Variants in IGFBPL1 observed in about 807,000 individuals in gnomAD.
The protein encoded by IGFBPL1 is insulin-like growth factor-binding protein-like 1.
A neutral mutation model predicts 23.9 loss-of-function variants in IGFBPL1; 20 were observed. The ratio of observed to expected loss-of-function variants is 0.84; its 90% CI spans 0.59 to 1.22. IGFBPL1 has a LOEUF of 1.22. Ranked by LOEUF, IGFBPL1 falls within the 50% of genes most tolerant of loss-of-function variation. IGFBPL1 has a pLI of 0.00. For missense variants in IGFBPL1, 436 were observed against 379.3 expected (o/e 1.15, Z -1.24); for synonymous variants, 184 against 171.8 (o/e 1.07, Z -0.56).
At chr9:38,417,320 C>T (rs10973796) in intron 1 of IGFBPL1, among the ~76,000 whole-genome samples, 11,230 of 152,192 alleles carry the variant, frequency 0.074, 1,388 homozygotes, top group African/African-American at 0.26. Context: ...GACCCTTCCA[C>T]GTACACCACC....
chr9:38,415,052 G>A (rs999792996), intron 1 of IGFBPL1, among the ~76,000 whole-genome samples: 3 of 152,184 alleles, frequency 2.0e-5, no homozygotes, highest in South Asian at 4.1e-4. Context: ...GCACCACAGC[G>A]TGTTGGGCAA....
chr9:38,411,684 G>A, intron 3 of IGFBPL1, 135 bp from the exon 4 acceptor site: 1 of 772,704 alleles, frequency 1.3e-6, no homozygotes, highest in Non-Finnish European at 2.0e-6. Context: ...TTCTCTCCTT[G>A]CATTGGCTGC....
intron 3 of IGFBPL1, among the ~76,000 whole-genome samples, chr9:38,412,789 T>C (rs1465348158): frequency 1.3e-5 from 2 of 152,142 alleles, no homozygotes; most frequent in Non-Finnish European, 2.9e-5. Context: ...CTTTCCAACA[T>C]CATCAAAGCC....
At chr9:38,415,224 G>T (rs757505916) in intron 1 of IGFBPL1, among the ~76,000 whole-genome samples, 5 of 152,224 alleles carry the variant, frequency 3.3e-5, no homozygotes, top group African/African-American at 4.8e-5. Context: ...GGAGCAAAAG[G>T]ATGACTGGAT....
intron 1 of IGFBPL1, among the ~76,000 whole-genome samples, 193 bp from the exon 2 acceptor site, chr9:38,414,396 A>G (rs560574650): frequency 2.9e-4 from 44 of 152,304 alleles, no homozygotes; most frequent in Non-Finnish European, 4.7e-4. Flanking sequence ...TCCTGATCCA[A>G]TGATTGTTTT....
rs35229194 is a variant in IGFBPL1, at chr9:38,408,253, C to CAAAAAAAAAAA, written c.*963_*973dup. 1.4e-5 allele frequency among the ~76,000 whole-genome samples: 1 copy of CAAAAAAAAAAA among 70,178 alleles called. No individual in the cohort carries two copies. Among genetic ancestry groups the CAAAAAAAAAAA allele is most frequent in the Non-Finnish European group, 2.8e-5 (1 of 35,766 alleles). 46.0% of individuals were successfully genotyped at this position (70,178 alleles called of 152,430 possible). A position where few individuals can be genotyped will look rare whatever the true frequency, so the allele number is the denominator to read the frequency against. ...GCAACATAGGGAGACCCTGTCTCTA[C>CAAAAAAAAAAA]AAAAAAAAAAAAAAAAAAAAAAAAA... On this transcript the variant is annotated 3_prime_UTR_variant, in exon 5 of 5. Transcript: ENST00000377694.
chr9:38,414,211 G>A lies in IGFBPL1; in HGVS notation c.461-8C>T. 6.4e-7 allele frequency: 1 copy of A among 1,567,280 alleles called. No homozygotes were observed. Among genetic ancestry groups the A allele is most frequent in the Non-Finnish European group, 8.7e-7 (1 of 1,149,618 alleles). On this transcript the variant is annotated splice_polypyrimidine_tract_variant and splice_region_variant and intron_variant, in intron 1 of 4. Coordinates refer to ENST00000377694, the MANE Select transcript of IGFBPL1 (RefSeq NM_001007563.3). ...GAACGACGACCACAGGAGCTAGGAG[G>A]AGGAGACAAGGAGACGCAGCCTTTA...
chr9:38,418,137 C>G (rs1413173825), intron 1 of IGFBPL1, among the ~76,000 whole-genome samples: 2 of 152,184 alleles, frequency 1.3e-5, no homozygotes, highest in Non-Finnish European at 2.9e-5. Flanking sequence ...AGCAATGTGT[C>G]CTTGACACCA....
chr9:38,424,401 C>G lies in IGFBPL1; in HGVS notation c.24G>C (p.Leu8Phe), dbSNP rs2118336076. The G allele has an allele frequency of 1.6e-6, 1 of 630,806 alleles. No homozygotes were observed. The highest frequency in any genetic ancestry group is 1.7e-5 in the South Asian group (1 of 58,972). 39.1% of individuals were successfully genotyped at this position (630,806 alleles called of 1,614,324 possible). Residue 8 changes from leucine (L) to phenylalanine (F), a missense_variant, in exon 1 of 5, where the codon TTG becomes TTC. Transcript: ENST00000377694. MPRLSLLLPLLLLLLLPL... is the reference protein window; with the variant it reads MPRLSLLFPLLLLLLLPL... ...GCAGCAGCAGCAGAAGCAGCAGCGG[C>G]AAGAGCAGAGACAAGCGCGGCATGG...
chr9:38,415,439 C>T (rs978896028), intron 1 of IGFBPL1, among the ~76,000 whole-genome samples: 8 of 152,102 alleles, frequency 5.3e-5, no homozygotes, highest in Middle Eastern at 3.2e-3. Flanking sequence ...CGGACAGCGT[C>T]GCATCACACC....
Position 38,424,409 on chromosome 9 carries a change from G to A in IGFBPL1, c.16C>T (p.Leu6=). 1 of 615,048 alleles carries A rather than the reference G, an allele frequency of 1.6e-6. No homozygotes were observed. Among genetic ancestry groups the A allele is most frequent in the Non-Finnish European group, 2.9e-6 (1 of 348,388 alleles). The allele number at this position is 615,048 out of a possible 1,614,324, so 38.1% of individuals were successfully genotyped here. MPRLS[L]LLPLLLLLLL... Reference sequence around the variant, plus strand: ...AGCAGAAGCAGCAGCGGCAAGAGCAGAGACAAGCGCGGCATGGCTTGCTCC... The same window carrying A: ...AGCAGAAGCAGCAGCGGCAAGAGCAAAGACAAGCGCGGCATGGCTTGCTCC... The change falls in exon 1 of 5, where the codon CTG becomes TTG. Residue 6 remains leucine, a synonymous_variant. Transcript: ENST00000377694.
In IGFBPL1 at chr9:38,408,799, C is replaced by T. The variant is rs1821469725; in HGVS notation, c.*428G>A. Among the ~76,000 whole-genome samples, 1 of 152,174 alleles carries T rather than the reference C, an allele frequency of 6.6e-6. No homozygotes were observed. The highest frequency in any genetic ancestry group is 1.5e-5 in the Non-Finnish European group (1 of 68,030). On this transcript the variant is annotated 3_prime_UTR_variant, in exon 5 of 5. Transcript: ENST00000377694. Reference sequence around the variant, plus strand: ...GAGGGGAAGGGATCTGTTCAGGTCACACAGCAAGTTACAGTCAGGCAGAGG... The same window carrying T: ...GAGGGGAAGGGATCTGTTCAGGTCATACAGCAAGTTACAGTCAGGCAGAGG...
In IGFBPL1 at chr9:38,408,263, A is replaced by T. The variant is rs1821459727; in HGVS notation, c.*964T>A. Among the ~76,000 whole-genome samples the T allele has an allele frequency of 2.9e-5, 3 of 104,452 alleles. No homozygotes were observed. The highest frequency in any genetic ancestry group is 1.1e-4 in the African/African-American group (3 of 27,298). The allele number at this position is 104,452 out of a possible 152,430, so 68.5% of individuals were successfully genotyped here. ...GAGACCCTGTCTCTACAAAAAAAAA[A>T]AAAAAAAAAAAAAAAATAGCTGGGT... On this transcript the variant is annotated 3_prime_UTR_variant, in exon 5 of 5. Transcript: ENST00000377694.
In IGFBPL1 at chr9:38,414,091, T is replaced by C. The variant is rs1240294966; in HGVS notation, c.570+3A>G. On this transcript the variant is annotated splice_donor_region_variant and intron_variant, in intron 2 of 4. Coordinates refer to ENST00000377694, the MANE Select transcript of IGFBPL1 (RefSeq NM_001007563.3). The stretch of plus-strand genomic sequence containing the variant: ...AGATGCATGAGTTCTTGGACAGAAA[T>C]ACCTTTCTCCACGTGATGACTGGGG... The C allele has an allele frequency of 6.4e-7, 1 of 1,557,770 alleles. No homozygotes were observed. The highest frequency in any genetic ancestry group is 8.8e-7 in the Non-Finnish European group (1 of 1,133,782).
At chr9:38,417,009 C>A (rs946631277) in intron 1 of IGFBPL1, among the ~76,000 whole-genome samples, 5 of 152,138 alleles carry the variant, frequency 3.3e-5, no homozygotes, top group African/African-American at 1.2e-4. Context: ...CATATTTTAA[C>A]ATATCTGATT....
At chr9:38,412,686 G>A (rs371351993) in intron 3 of IGFBPL1, among the ~76,000 whole-genome samples, 4 of 152,136 alleles carry the variant, frequency 2.6e-5, no homozygotes, top group East Asian at 1.9e-4. Context: ...TCAAGGTGCC[G>A]GCAGGGCTGC....
At chr9:38,417,168 ACC>A (rs1821610845) in intron 1 of IGFBPL1, among the ~76,000 whole-genome samples, 1 of 151,966 alleles carries the variant, frequency 6.6e-6, no homozygotes, top group Admixed American at 6.6e-5. Context: ...CAGCAATCTC[ACC>A]AGCTGCCAGA....
Position 38,419,863 on chromosome 9 carries a change from C to CCCT in IGFBPL1, c.460+4099_460+4101dup, listed in dbSNP as rs71363990. ...TCCTTCTTCTTCCTTCTCCTCCTCCCCCTCCTCCTCCTCCTCCTCCTCCTC... is the reference window on the plus strand; with the variant it reads ...TCCTTCTTCTTCCTTCTCCTCCTCCCCCTCCTCCTCCTCCTCCTCCTCCTCCTC... On this transcript the variant is annotated intron_variant, in intron 1 of 4. Coordinates refer to ENST00000377694, the MANE Select transcript of IGFBPL1 (RefSeq NM_001007563.3). Among the ~76,000 whole-genome samples the CCCT allele has an allele frequency of 2.2e-3, 323 of 146,052 alleles. 4 individuals are homozygous for CCCT. Among genetic ancestry groups the CCCT allele is most frequent in the African/African-American group, 3.4e-3 (133 of 38,942 alleles).
In IGFBPL1 at chr9:38,406,776, G is replaced by C. The variant is rs1821436377; in HGVS notation, c.*2451C>G. Reference sequence around the variant, plus strand: ...CTTTTTGGTTTTGGTGAAAATTTCAGACAGTGTGACATTAATTATTTGTCT... The same window carrying C: ...CTTTTTGGTTTTGGTGAAAATTTCACACAGTGTGACATTAATTATTTGTCT... On this transcript the variant is annotated 3_prime_UTR_variant, in exon 5 of 5. Coordinates refer to ENST00000377694, the MANE Select transcript of IGFBPL1 (RefSeq NM_001007563.3). 9.1e-6 allele frequency among the ~76,000 whole-genome samples: 1 copy of C among 110,246 alleles called. No individual in the cohort carries two copies. Among genetic ancestry groups the C allele is most frequent in the Admixed American group, 9.9e-5 (1 of 10,054 alleles). The allele number at this position is 110,246 out of a possible 152,430, so 72.3% of individuals were successfully genotyped here. A position where few individuals can be genotyped will look rare whatever the true frequency, so the allele number is the denominator to read the frequency against.
Sources: gnomAD v4.1 joint callset for allele counts (sites outside exome capture counted in the v4.1 genomes callset) on GRCh38, gnomAD v4.1.1 for gene constraint, MANE v1.5 for transcripts, NCBI Gene and HGNC (gene_info 2026-07-23, HGNC 2026-07-21) for gene names.